The following ZNF385D variants were observed in gnomAD, a reference collection of about 807,000 sequenced individuals.
ZNF385D encodes zinc finger protein 659.
In ZNF385D, 15 loss-of-function variants were observed where a neutral mutation model predicts 35.8. That is an observed-to-expected ratio of 0.42 (90% CI 0.28 to 0.64). The LOEUF is 0.64. Ranked by LOEUF, ZNF385D falls within the 30% of genes least tolerant of loss-of-function variation. ZNF385D has a pLI of 0.23. For missense variants in ZNF385D, 474 were observed against 494.6 expected, an observed-to-expected ratio of 0.96 and a Z score of 0.39; for synonymous variants, 212 against 186.8, an observed-to-expected ratio of 1.13 and a Z score of -1.10.
intron 2 of ZNF385D, among the ~76,000 whole-genome samples, chr3:21,652,169 T>G (rs976305233): frequency 1.3e-5 from 2 of 152,226 alleles, no homozygotes; most frequent in African/African-American, 4.8e-5. Context: ...TGCCAATCTA[T>G]CTTCATAAAC....
chr3:21,722,379 C>T (rs983190460), intron 1 of ZNF385D, among the ~76,000 whole-genome samples: 1 of 152,202 alleles, frequency 6.6e-6, no homozygotes, highest in Non-Finnish European at 1.5e-5. Flanking sequence ...CTCCCCTTTG[C>T]TCTTGAAAAC....
intron 3 of ZNF385D, among the ~76,000 whole-genome samples, chr3:21,797,232 G>T (rs2072194546): frequency 6.6e-6 from 1 of 152,256 alleles, no homozygotes; most frequent in East Asian, 1.9e-4. Context: ...CCAATGAAAA[G>T]ATTCTTCACA....
At chr3:22,079,440 C>A (rs886732730) in intron 3 of ZNF385D, among the ~76,000 whole-genome samples, 2 of 151,694 alleles carry the variant, frequency 1.3e-5, no homozygotes. Context: ...TTCTATAATT[C>A]TAAATGGAGG....
intron 1 of ZNF385D, among the ~76,000 whole-genome samples, chr3:21,719,868 A>C (rs533694603): frequency 1.3e-5 from 2 of 152,360 alleles, no homozygotes; most frequent in African/African-American, 4.8e-5. Context: ...CTAAGAAGAC[A>C]AGAACCCAGA....
intron 3 of ZNF385D, among the ~76,000 whole-genome samples, chr3:22,066,500 G>A (rs1351301056): frequency 2.3e-5 from 3 of 129,932 alleles, no homozygotes; most frequent in African/African-American, 3.0e-5. Context: ...GTGTATGTCT[G>A]TAAGTAAAAA....
intron 4 of ZNF385D, among the ~76,000 whole-genome samples, chr3:21,444,387 G>GTTT (rs137978112): frequency 8.2e-5 from 11 of 133,906 alleles, no homozygotes; most frequent in Admixed American, 7.7e-5. Context: ...GCCTTTTTTT[G>GTTT]TTTTTTTTTT....
At chr3:21,995,025 G>T (rs560835716) in intron 3 of ZNF385D, among the ~76,000 whole-genome samples, 1 of 152,232 alleles carries the variant, frequency 6.6e-6, no homozygotes, top group Non-Finnish European at 1.5e-5. Context: ...TTGCCTCCAG[G>T]CAACTTTCTT....
intron 2 of ZNF385D, among the ~76,000 whole-genome samples, chr3:21,636,230 G>A (rs3996209): frequency 0.45 from 67,756 of 149,764 alleles, 16,321 homozygotes; most frequent in Non-Finnish European, 0.54. Context: ...ATTATTTTTT[G>A]ATTTTTTTTT....
chr3:21,918,724 C>T lies in ZNF385D; in HGVS notation c.325+250093G>A, dbSNP rs146293621. On this transcript the variant is annotated intron_variant, in intron 3 of 5. Transcript: ENST00000494108. The stretch of plus-strand genomic sequence containing the variant: ...TTTATTCCAATATCACTTTATAATT[C>T]TATAACATGGTGTTTGTCTTTTTAT... 2.3e-4 allele frequency among the ~76,000 whole-genome samples: 35 copies of T among 152,240 alleles called. 1 individual carries two copies. The East Asian group carries it at 6.8e-3, about 29-fold the overall frequency.
chr3:22,039,530 T>A (rs1232334953), intron 3 of ZNF385D, among the ~76,000 whole-genome samples: 1 of 152,110 alleles, frequency 6.6e-6, no homozygotes, highest in East Asian at 1.9e-4. Context: ...CCTAGTTGCA[T>A]CAGACTAGAG....
At chr3:22,126,854 A>G (rs925643069) in intron 3 of ZNF385D, among the ~76,000 whole-genome samples, 26 of 152,138 alleles carry the variant, frequency 1.7e-4, no homozygotes, top group African/African-American at 5.1e-4. Context: ...TGGGTTTTCC[A>G]GCATTGGGTG....
intron 2 of ZNF385D, among the ~76,000 whole-genome samples, chr3:22,249,449 A>G (rs926168267): frequency 2.6e-5 from 4 of 152,138 alleles, no homozygotes; most frequent in Non-Finnish European, 4.4e-5. Context: ...CTAACATTTT[A>G]CAACCTCCAG....
At chr3:22,171,190 C>G (rs1380669053) in intron 2 of ZNF385D, among the ~76,000 whole-genome samples, 1 of 152,104 alleles carries the variant, frequency 6.6e-6, no homozygotes, top group Non-Finnish European at 1.5e-5. Flanking sequence ...TTAGGTTTGC[C>G]AGAATTAGGC....
chr3:22,024,005 T>G (rs1171697600), intron 3 of ZNF385D, among the ~76,000 whole-genome samples: 2 of 152,162 alleles, frequency 1.3e-5, no homozygotes, highest in South Asian at 2.1e-4. Context: ...GTGAGGATGT[T>G]GCCAAAGGAG....
At chr3:22,295,456 G>A (rs1047708887) in intron 2 of ZNF385D, among the ~76,000 whole-genome samples, 2 of 128,300 alleles carry the variant, frequency 1.6e-5, no homozygotes, top group African/African-American at 6.6e-5. Context: ...ATTTTTTAAT[G>A]CAGTAAAATA....
chr3:21,654,571 A>G (rs534613552), intron 2 of ZNF385D, among the ~76,000 whole-genome samples: 8 of 152,188 alleles, frequency 5.3e-5, no homozygotes, highest in South Asian at 4.1e-4. Context: ...AATCCTAAAC[A>G]TACAACAAAC....
intron 3 of ZNF385D, among the ~76,000 whole-genome samples, chr3:21,837,048 G>T (rs1225487651): frequency 2.0e-5 from 3 of 152,038 alleles, no homozygotes; most frequent in Admixed American, 2.0e-4. Flanking sequence ...AAAATTCAAG[G>T]TATGTATCCT....
intron 2 of ZNF385D, among the ~76,000 whole-genome samples, chr3:22,267,688 G>A (rs1015875243): frequency 2.6e-5 from 4 of 151,692 alleles, no homozygotes; most frequent in African/African-American, 7.3e-5. Flanking sequence ...TGCAAATAAC[G>A]AATCAACTTC....
At chr3:22,164,396 T>C (rs1038363402) in intron 3 of ZNF385D, among the ~76,000 whole-genome samples, 2 of 151,602 alleles carry the variant, frequency 1.3e-5, no homozygotes, top group Non-Finnish European at 2.9e-5. Context: ...GTCTAGCTAA[T>C]TTTTGTATTT....
Sources: allele counts gnomAD v4.1 joint callset (sites outside exome capture counted in the v4.1 genomes callset), GRCh38; gene constraint gnomAD v4.1.1; transcripts MANE v1.5; gene names NCBI Gene and HGNC (gene_info 2026-07-23, HGNC 2026-07-21).